The following TSHZ3 variants were observed in gnomAD, a reference collection of about 807,000 sequenced individuals.
TSHZ3 encodes the protein teashirt zinc finger homeobox 3, also known as teashirt homolog 3.
TSHZ3 carries 10 observed loss-of-function variants against 64.5 expected under a neutral mutation model. The observed-to-expected ratio is 0.16, with a 90% CI of 0.10 to 0.26. TSHZ3 has a LOEUF of 0.26. Ranked by LOEUF, TSHZ3 falls within the 10% of genes least tolerant of loss-of-function variation. The pLI is 1.00. For synonymous variants in TSHZ3, 608 were observed against 593.1 expected, an observed-to-expected ratio of 1.03 and a Z score of -0.36; for missense variants, 1,242 against 1,421.7, an observed-to-expected ratio of 0.87 and a Z score of 2.03.
intron 1 of TSHZ3, among the ~76,000 whole-genome samples, chr19:31,304,264 C>T (rs956460946): frequency 8.5e-5 from 13 of 152,130 alleles, no homozygotes; most frequent in African/African-American, 2.4e-4. Flanking sequence ...TGAGTCACGG[C>T]GCCCAGTCCG....
chr19:31,319,915 C>T (rs1178186798), intron 1 of TSHZ3, among the ~76,000 whole-genome samples: 1 of 151,164 alleles, frequency 6.6e-6, no homozygotes, highest in Non-Finnish European at 1.5e-5. Flanking sequence ...CCCTTCCTTC[C>T]TAATTCTTTC....
At chr19:31,151,519 G>T (rs1343659326) in exon 7 of TSHZ3, among the ~76,000 whole-genome samples, 1 of 152,182 alleles carries the variant, frequency 6.6e-6, no homozygotes, top group Non-Finnish European at 1.5e-5. Context: ...GTACACATAG[G>T]ATGGTTGAGG....
At chr19:31,153,012 T>A (rs1252920369) in intron 6 of TSHZ3, among the ~76,000 whole-genome samples, 5 of 152,214 alleles carry the variant, frequency 3.3e-5, no homozygotes, top group Non-Finnish European at 7.3e-5. Context: ...ATTTGAATAA[T>A]CCAATATAAC....
At chr19:31,193,236 G>A (rs1974938804) in intron 5 of TSHZ3, among the ~76,000 whole-genome samples, 1 of 152,054 alleles carries the variant, frequency 6.6e-6, no homozygotes, top group South Asian at 2.1e-4. Context: ...GGCCTCTGTG[G>A]CTCCAGTCTG....
At chr19:31,227,338 A>G (rs1975481161) in intron 4 of TSHZ3, among the ~76,000 whole-genome samples, 1 of 152,124 alleles carries the variant, frequency 6.6e-6, no homozygotes, top group African/African-American at 2.4e-5. Flanking sequence ...TCAGATTGGT[A>G]TAAAGAGAGT....
chr19:31,179,756 T>G (rs1027678699), intron 5 of TSHZ3, among the ~76,000 whole-genome samples: 5 of 150,320 alleles, frequency 3.3e-5, no homozygotes, highest in African/African-American at 9.9e-5. Context: ...GTGATGGTGG[T>G]GGTGATGGTG....
intron 5 of TSHZ3, among the ~76,000 whole-genome samples, chr19:31,191,501 C>T (rs1184062700): frequency 1.3e-5 from 2 of 152,028 alleles, no homozygotes; most frequent in Non-Finnish European, 2.9e-5. Context: ...CCCTTTTGCC[C>T]CCAAAGTAAT....
intron 1 of TSHZ3, among the ~76,000 whole-genome samples, chr19:31,250,453 T>A (rs937063797): frequency 6.6e-6 from 1 of 152,224 alleles, no homozygotes; most frequent in Admixed American, 6.5e-5. Context: ...AGGTAGAGAA[T>A]ACATCCCAAC....
In TSHZ3 at chr19:31,348,621, A is replaced by G. The variant is rs2021591281; in HGVS notation, c.40+559T>C. On this transcript the variant is annotated intron_variant, in intron 1 of 1. Transcript: ENST00000240587. ...AAGGAAACGCCAGCATCTAACATGG[A>G]CTTGACAGTCATCTGACAATACCCA... Among the ~76,000 whole-genome samples, 3 of 152,196 alleles carry G rather than the reference A, an allele frequency of 2.0e-5. No homozygotes were observed. In the South Asian group the frequency reaches 6.2e-4, roughly 31 times the overall value.
chr19:31,325,140 T>G (rs1916896292), intron 1 of TSHZ3, among the ~76,000 whole-genome samples: 1 of 152,240 alleles, frequency 6.6e-6, no homozygotes, highest in African/African-American at 2.4e-5. Context: ...TGCCTCTGTG[T>G]CTTGGCCGTT....
At chr19:31,233,731 C>T (rs1055022449) in intron 3 of TSHZ3, among the ~76,000 whole-genome samples, 8 of 152,092 alleles carry the variant, frequency 5.3e-5, no homozygotes, top group African/African-American at 9.7e-5. Flanking sequence ...TCCGAACCTA[C>T]GACTCATTTC....
At chr19:31,213,408 G>C (rs1975287377) in intron 4 of TSHZ3, among the ~76,000 whole-genome samples, 1 of 145,498 alleles carries the variant, frequency 6.9e-6, no homozygotes, top group Non-Finnish European at 1.5e-5. Context: ...GTGTCCAGGG[G>C]TAAGGAGGGA....
chr19:31,323,847 C>T (rs1411664663), intron 1 of TSHZ3, among the ~76,000 whole-genome samples: 2 of 146,592 alleles, frequency 1.4e-5, no homozygotes, highest in Non-Finnish European at 1.5e-5. Context: ...TGCTCTTGTA[C>T]TTGAACCTGG....
downstream of TSHZ3, among the ~76,000 whole-genome samples, chr19:31,273,874 C>A (rs1221791402): frequency 2.6e-5 from 4 of 152,346 alleles, no homozygotes; most frequent in South Asian, 8.3e-4. Context: ...TCTTCCCTGC[C>A]TGGCCGTAAA....
intron 4 of TSHZ3, among the ~76,000 whole-genome samples, chr19:31,214,366 T>C (rs1295871015): frequency 6.6e-6 from 1 of 152,218 alleles, no homozygotes; most frequent in Non-Finnish European, 1.5e-5. Context: ...CAAGAGGAGC[T>C]AGCTTTGCTG....
chr19:31,153,687 G>A (rs1015408025), intron 6 of TSHZ3, among the ~76,000 whole-genome samples: 2 of 152,172 alleles, frequency 1.3e-5, no homozygotes, highest in Admixed American at 1.3e-4. Context: ...TGTTTGCTAT[G>A]GTAATGCGGG....
At chr19:31,257,398 A>T (rs1287409312) in intron 1 of TSHZ3, among the ~76,000 whole-genome samples, 1 of 152,158 alleles carries the variant, frequency 6.6e-6, no homozygotes, top group African/African-American at 2.4e-5. Context: ...AGTATATGTG[A>T]GTAGTTTATT....
intron 1 of TSHZ3, among the ~76,000 whole-genome samples, chr19:31,254,652 T>A (rs964962253): frequency 2.0e-5 from 3 of 152,172 alleles, no homozygotes; most frequent in African/African-American, 7.2e-5. Flanking sequence ...TTCCCACATT[T>A]TGGAGGAGCA....
chr19:31,211,493 C>T (rs1238952562), intron 4 of TSHZ3, among the ~76,000 whole-genome samples: 3 of 152,086 alleles, frequency 2.0e-5, no homozygotes, highest in Admixed American at 1.3e-4. Flanking sequence ...CTCCTGGACC[C>T]GGGGAAGAAG....
Sources: gnomAD v4.1 joint callset for allele counts (sites outside exome capture counted in the v4.1 genomes callset) on GRCh38, gnomAD v4.1.1 for gene constraint, MANE v1.5 for transcripts, NCBI Gene and HGNC (gene_info 2026-07-23, HGNC 2026-07-21) for gene names.